PUM1: variants seen among roughly 807,000 people sequenced by gnomAD.
PUM1 encodes pumilio RNA binding family member 1.
A neutral mutation model predicts 131.8 loss-of-function variants in PUM1; 13 were observed. The observed-to-expected ratio is 0.10, with a 90% CI of 0.06 to 0.16. The LOEUF is 0.16. PUM1 is among the 10% of genes least tolerant of loss of function. The pLI is 1.00. For synonymous variants in PUM1, 509 were observed against 556.5 expected (o/e 0.91, Z 1.20); for missense variants, 961 against 1,512.4 (o/e 0.64, Z 6.05).
intron 3 of PUM1, among the ~76,000 whole-genome samples, chr1:31,017,374 T>C (rs558901290): frequency 1.3e-5 from 2 of 152,132 alleles, no homozygotes; most frequent in South Asian, 2.1e-4. Flanking sequence ...GAACCTGGGA[T>C]AGGATGGTCA....
chr1:30,974,590 T>C (rs551591021), intron 10 of PUM1, 61 bp downstream of exon 10: 2 of 1,465,912 alleles, frequency 1.4e-6, no homozygotes, highest in African/African-American at 1.4e-5. Context: ...CAATATTACC[T>C]ATTAATTATC....
At chr1:30,985,557 C>T (rs1419207241) in intron 7 of PUM1, among the ~76,000 whole-genome samples, 1 of 146,942 alleles carries the variant, frequency 6.8e-6, no homozygotes, top group Non-Finnish European at 1.5e-5. Context: ...GAGGCTGAGG[C>T]AGAAGAATTG....
At chr1:31,035,762 A>T (rs1057385337) in intron 2 of PUM1, among the ~76,000 whole-genome samples, 1 of 152,172 alleles carries the variant, frequency 6.6e-6, no homozygotes, top group African/African-American at 2.4e-5. Flanking sequence ...AAATAAAAAA[A>T]AAAAGAAAAG....
At chr1:30,962,666 C>A (rs1025839139) in intron 14 of PUM1, among the ~76,000 whole-genome samples, 1 of 152,154 alleles carries the variant, frequency 6.6e-6, no homozygotes, top group Non-Finnish European at 1.5e-5. Flanking sequence ...CCCACCTCGG[C>A]CTCCCAAAGT....
intron 7 of PUM1, among the ~76,000 whole-genome samples, chr1:30,984,562 T>TC (rs1641474720): frequency 6.6e-6 from 1 of 152,208 alleles, no homozygotes; most frequent in Non-Finnish European, 1.5e-5. Context: ...CACAAGTTGT[T>TC]CAAGAGTCTG....
Position 30,995,162 on chromosome 1 carries a change from G to A in PUM1, c.779C>T (p.Thr260Met), listed in dbSNP as rs772493608. The A allele has an allele frequency of 1.1e-5, 17 of 1,613,922 alleles. No individual in the cohort carries two copies. Among genetic ancestry groups the A allele is most frequent in the African/African-American group, 1.3e-5 (1 of 74,868 alleles). The change falls in exon 6 of 22, where the codon ACG becomes ATG. Residue 260 changes from threonine (T) to methionine (M), a missense_variant. By Grantham distance (81) the Thr-to-Met change is moderately conservative. This residue lies in a region of PUM1 where 654 missense variants were observed against 923.9 expected (regional missense o/e 0.71). Transcript: ENST00000426105. ...ATCTCCTAGCTTATCTCCATCAAAC[G>A]TACCCTTGTTCTTCTTTTCACCTTT... The part of the protein sequence containing the change: ...NDKGEKKNKG[T>M]FDGDKLGDLK...
intron 5 of PUM1, among the ~76,000 whole-genome samples, chr1:30,999,989 T>A (rs1248532884): frequency 6.6e-6 from 1 of 152,220 alleles, no homozygotes; most frequent in Non-Finnish European, 1.5e-5. Flanking sequence ...AGTGGTTCTA[T>A]GATTAGGGTT....
rs190019498 is a variant in PUM1, at chr1:30,934,684, T to C, written c.3436-1342A>G. 7.8e-4 allele frequency among the ~76,000 whole-genome samples: 119 copies of C among 152,328 alleles called. 1 individual carries two copies. In the East Asian group the frequency reaches 0.017, roughly 22 times the overall value. Reference sequence around the variant, plus strand: ...TTACTAATGTTTCTGTCATGAGAACTTGAGGTTCAAGATCCCCTTGCTTTT... The same window carrying C: ...TTACTAATGTTTCTGTCATGAGAACCTGAGGTTCAAGATCCCCTTGCTTTT... On this transcript the variant is annotated intron_variant, in intron 21 of 21. Transcript: ENST00000426105.
In PUM1 at chr1:30,973,856, G is replaced by A. The variant is rs183924898; in HGVS notation, c.1506+795C>T. 4.1e-4 allele frequency among the ~76,000 whole-genome samples: 62 copies of A among 152,142 alleles called. No homozygotes were observed. In the East Asian group the frequency reaches 7.5e-3, roughly 18 times the overall value. ...TGTAATCCCAGCACTTTGGGAGGCC[G>A]AGGCGGGTGGATCACGAGGTCAGGA... On this transcript the variant is annotated intron_variant, in intron 10 of 21. Coordinates refer to ENST00000426105, the MANE Select transcript of PUM1 (RefSeq NM_001020658.2).
intron 3 of PUM1, among the ~76,000 whole-genome samples, chr1:31,021,568 A>C (rs1202922744): frequency 6.6e-6 from 1 of 152,198 alleles, no homozygotes; most frequent in Non-Finnish European, 1.5e-5. Context: ...AAACATCACC[A>C]TATATACACA....
chr1:30,933,439 TACACACACACACACACACACACACAC>T (rs58664754), intron 21 of PUM1, 97 bp from the exon 22 acceptor site: 54 of 363,982 alleles, frequency 1.5e-4, no homozygotes, highest in African/African-American at 4.8e-4. Flanking sequence ...CACACACACA[TACACACACACACACACACACACACAC>T]ACACACACAC....
chr1:31,021,909 A>C lies in PUM1; in HGVS notation c.432+6887T>G, dbSNP rs74526393. Among the ~76,000 whole-genome samples, 636 of 152,208 alleles carry C rather than the reference A, an allele frequency of 4.2e-3. 4 individuals are homozygous for C. Among genetic ancestry groups the C allele is most frequent in the African/African-American group, 0.015 (613 of 41,518 alleles). On this transcript the variant is annotated intron_variant, in intron 3 of 21. Coordinates refer to ENST00000426105, the MANE Select transcript of PUM1 (RefSeq NM_001020658.2). ...GAGATCTGGGTTCAAACAGAGGCTT[A>C]ATGATTACATTAACTTCTCTAATCC...
Position 30,992,621 on chromosome 1 carries a change from C to T in PUM1, c.927G>A (p.Val309=), listed in dbSNP as rs190863657. The T allele has an allele frequency of 1.2e-6, 2 of 1,613,996 alleles. No individual in the cohort carries two copies. The highest frequency in any genetic ancestry group is 8.5e-7 in the Non-Finnish European group (1 of 1,179,994). Residue 309 remains valine, a synonymous_variant, in exon 7 of 22, where the codon GTG becomes GTA. Transcript: ENST00000426105. ...CATTCTGGTTTGGACCCAGAAGATC[C>T]ACTTCATTAGCAGAGTTCTGGCAAT... ...PGNCQNSANE[V]DLLGPNQNGS... is the part of the protein sequence containing the mutation.
chr1:31,043,355 C>A (rs966191027), intron 2 of PUM1, among the ~76,000 whole-genome samples: 1 of 151,842 alleles, frequency 6.6e-6, no homozygotes, highest in African/African-American at 2.4e-5. Flanking sequence ...GGCACCCCCC[C>A]ATCATGTCCG....
At chr1:31,038,984 A>ATATATATATATATAT in intron 2 of PUM1, among the ~76,000 whole-genome samples, 33 of 49,414 alleles carry the variant, frequency 6.7e-4, no homozygotes, top group African/African-American at 1.2e-3. Context: ...ATATATATAT[A>ATATATATATATATAT]TTTTTTTTTT....
intron 17 of PUM1, among the ~76,000 whole-genome samples, chr1:30,946,651 A>T (rs926140570): frequency 3.4e-5 from 5 of 148,974 alleles, no homozygotes; most frequent in Admixed American, 6.7e-5. Context: ...AAAAAAAAAA[A>T]ATTATTTTAT....
intron 3 of PUM1, among the ~76,000 whole-genome samples, chr1:31,011,669 C>T (rs1343074298): frequency 2.0e-5 from 3 of 152,178 alleles, no homozygotes; most frequent in Non-Finnish European, 4.4e-5. Context: ...AACCCACTGG[C>T]ATAAATACCA....
intron 5 of PUM1, among the ~76,000 whole-genome samples, chr1:30,996,735 A>C (rs897794424): frequency 1.1e-4 from 16 of 152,226 alleles, no homozygotes; most frequent in Non-Finnish European, 2.4e-4. Context: ...CCAATTATGC[A>C]CCACATTGAG....
At chr1:30,959,992 G>C (rs1488989016) in intron 14 of PUM1, among the ~76,000 whole-genome samples, 1 of 151,550 alleles carries the variant, frequency 6.6e-6, no homozygotes, top group Admixed American at 6.6e-5. Context: ...TAGGCTAGAA[G>C]GAAACTTTCT....
Sources: allele counts gnomAD v4.1 joint callset (sites outside exome capture counted in the v4.1 genomes callset), GRCh38; gene constraint gnomAD v4.1.1; regional missense constraint gnomAD v4.1.1; transcripts MANE v1.5; gene names NCBI Gene and HGNC (gene_info 2026-07-23, HGNC 2026-07-21).